The following RFX3 variants were observed in gnomAD, a reference collection of about 807,000 sequenced individuals.
RFX3 encodes regulatory factor X3.
RFX3 carries 14 observed loss-of-function variants against 98.6 expected under a neutral mutation model. The ratio of observed to expected loss-of-function variants is 0.14; its 90% CI spans 0.09 to 0.22. RFX3 has a LOEUF of 0.22. RFX3 is among the 10% of genes least tolerant of loss of function. The probability of loss-of-function intolerance (pLI) is 1.00; values close to 1 mark genes in which losing one functional copy is unlikely to be tolerated. For missense variants in RFX3, 639 were observed against 926.9 expected (o/e 0.69, Z 4.03); for synonymous variants, 383 against 328.4 (o/e 1.17, Z -1.80).
intron 3 of RFX3, among the ~76,000 whole-genome samples, chr9:3,335,945 A>C (rs1390839383): frequency 6.6e-6 from 1 of 152,166 alleles, no homozygotes; most frequent in Non-Finnish European, 1.5e-5. Flanking sequence ...AATTTATCTT[A>C]GCTATAACCA....
At position 3,275,585 on chromosome 9, in the gene RFX3, C is replaced by T; in HGVS notation, c.1001G>A (p.Gly334Glu). 1.2e-6 allele frequency: 2 copies of T among 1,612,026 alleles called. No homozygotes were observed. Among genetic ancestry groups the T allele is most frequent in the Non-Finnish European group, 1.7e-6 (2 of 1,178,464 alleles). Reference sequence around the variant, plus strand: ...TGGCAGAGAAGAGATTTCAACTTCTCCAAACTCTGGAAGTGCTCGAGATGC... The same window carrying T: ...TGGCAGAGAAGAGATTTCAACTTCTTCAAACTCTGGAAGTGCTCGAGATGC... ...LDASRALPEF[G>E]EVEISSLPDG... The change falls in exon 9 of 17, where the codon GGA (glycine) becomes GAA (glutamate). Residue 334 changes from glycine to glutamate, a missense_variant. Transcript: ENST00000617270.
intron 14 of RFX3, among the ~76,000 whole-genome samples, chr9:3,251,894 G>T (rs490964): frequency 0.069 from 10,449 of 151,888 alleles, 486 homozygotes; most frequent in Non-Finnish European, 0.1. Flanking sequence ...TGTTGCCCAG[G>T]CTGGAGTGCA....
chr9:3,481,316 T>C (rs1427357751), intron 1 of RFX3, among the ~76,000 whole-genome samples: 1 of 152,116 alleles, frequency 6.6e-6, no homozygotes, highest in Non-Finnish European at 1.5e-5. Context: ...GCCAAGGCTA[T>C]CTGGCTTTAA....
At chr9:3,520,694 G>C (rs1818622757) in intron 1 of RFX3, among the ~76,000 whole-genome samples, 1 of 152,100 alleles carries the variant, frequency 6.6e-6, no homozygotes, top group Non-Finnish European at 1.5e-5. Context: ...TTGGTGTTTT[G>C]AGACAGGGTC....
chr9:3,262,893 T>G, intron 13 of RFX3, 42 bp downstream of exon 13: 7 of 1,594,206 alleles, frequency 4.4e-6, no homozygotes, highest in East Asian at 2.2e-5. Flanking sequence ...ACAAATTGGG[T>G]ATCTTTCCTT....
chr9:3,421,451 A>G (rs1315285350), intron 1 of RFX3, among the ~76,000 whole-genome samples: 1 of 152,260 alleles, frequency 6.6e-6, no homozygotes, highest in Non-Finnish European at 1.5e-5. Flanking sequence ...ATCCAACTCC[A>G]TAGAAATAAC....
intron 4 of RFX3, among the ~76,000 whole-genome samples, chr9:3,309,901 G>A (rs540345383): frequency 6.6e-6 from 1 of 152,266 alleles, no homozygotes; most frequent in East Asian, 1.9e-4. Flanking sequence ...CTGAGATTTA[G>A]AGGAGACGGA....
intron 2 of RFX3, among the ~76,000 whole-genome samples, chr9:3,370,919 A>C (rs999523390): frequency 2.2e-4 from 33 of 152,220 alleles, no homozygotes; most frequent in African/African-American, 7.7e-4. Flanking sequence ...ATATGGCCAC[A>C]ATAGAATGAC....
At chr9:3,509,514 T>C (rs1817460562) in intron 1 of RFX3, among the ~76,000 whole-genome samples, 1 of 151,998 alleles carries the variant, frequency 6.6e-6, no homozygotes, top group African/African-American at 2.4e-5. Flanking sequence ...GAATTAAATA[T>C]ACAATATTTT....
At chr9:3,318,883 T>G (rs113139048) in intron 4 of RFX3, among the ~76,000 whole-genome samples, 67 of 152,274 alleles carry the variant, frequency 4.4e-4, no homozygotes, top group African/African-American at 1.5e-3. Flanking sequence ...GGATGCTGGG[T>G]TGAAATCAAG....
At chr9:3,254,542 T>C (rs1293596346) in intron 14 of RFX3, among the ~76,000 whole-genome samples, 1 of 142,144 alleles carries the variant, frequency 7.0e-6, no homozygotes, top group Non-Finnish European at 1.5e-5. Context: ...ATCTGAAATC[T>C]TTTTTTTTTT....
chr9:3,488,247 C>T (rs1190522426), intron 1 of RFX3, among the ~76,000 whole-genome samples: 1 of 152,114 alleles, frequency 6.6e-6, no homozygotes, highest in Non-Finnish European at 1.5e-5. Context: ...TTAAGATAAG[C>T]TCATTTCCTA....
intron 2 of RFX3, among the ~76,000 whole-genome samples, chr9:3,372,073 T>C (rs185731073): frequency 2.8e-4 from 43 of 152,346 alleles, no homozygotes; most frequent in African/African-American, 9.9e-4. Flanking sequence ...ACCTCTTCAG[T>C]GTACACCGGC....
intron 5 of RFX3, among the ~76,000 whole-genome samples, chr9:3,297,724 T>G (rs1035934468): frequency 6.6e-6 from 1 of 151,946 alleles, no homozygotes; most frequent in African/African-American, 2.4e-5. Flanking sequence ...CTAAATGTAT[T>G]TTGGTAGCTA....
chr9:3,395,550 T>C lies in RFX3; in HGVS notation c.39A>G (p.Thr13=), dbSNP rs1372193633. 6.2e-7 allele frequency: 1 copy of C among 1,614,026 alleles called. No homozygotes were observed. Among genetic ancestry groups the C allele is most frequent in the Non-Finnish European group, 8.5e-7 (1 of 1,179,992 alleles). Residue 13 remains threonine (T), a synonymous_variant, in exon 2 of 17, where the codon ACA becomes ACG. Transcript: ENST00000617270. ...TSETGSDTGS[T]VTLQTSVASQ... ...TAGCCACAGATGTTTGTAAGGTCACTGTCGAGCCTGTGTCCGACCCAGTCT... is the reference window on the plus strand; with the variant it reads ...TAGCCACAGATGTTTGTAAGGTCACCGTCGAGCCTGTGTCCGACCCAGTCT...
In RFX3 at chr9:3,293,256, G is replaced by A. The variant is rs1827603651; in HGVS notation, c.552C>T (p.Leu184=). The change falls in exon 6 of 17, where the codon CTC becomes CTT. Residue 184 remains leucine, a splice_region_variant and synonymous_variant. Transcript: ENST00000617270. ...TCTCATAATTGTCCAACAGCCACTG[G>A]AGCTAGGGAAATAAGACACAATAAA... ...THRSSLLNSH[L]QWLLDNYETA... 1.3e-6 allele frequency: 2 copies of A among 1,591,730 alleles called. No homozygotes were observed. The highest frequency in any genetic ancestry group is 1.7e-6 in the Non-Finnish European group (2 of 1,172,004).
chr9:3,405,279 G>A (rs1281940127), intron 1 of RFX3, among the ~76,000 whole-genome samples: 2 of 152,010 alleles, frequency 1.3e-5, no homozygotes, highest in South Asian at 4.1e-4. Context: ...ACAACACTCT[G>A]TTTTTAAAAC....
rs1343756501 is a variant in RFX3, at chr9:3,344,927, A to C, written c.215+1740T>G. The C allele has an allele frequency of 4.4e-6, 3 of 685,198 alleles. No homozygotes were observed. The African/African-American group carries it at 5.5e-5, about 13-fold the overall frequency. 42.4% of individuals were successfully genotyped at this position (685,198 alleles called of 1,614,324 possible). A position where few individuals can be genotyped will look rare whatever the true frequency, so the allele number is the denominator to read the frequency against. On this transcript the variant is annotated intron_variant, in intron 3 of 16. Transcript: ENST00000617270. ...TGAAAAACATTCACAGTGTGTCTAA[A>C]ATATGTAAAGAGGTATAGATTTAAT...
intron 1 of RFX3, among the ~76,000 whole-genome samples, chr9:3,490,570 A>G (rs551922539): frequency 1.3e-5 from 2 of 152,218 alleles, no homozygotes; most frequent in African/African-American, 4.8e-5. Context: ...TACATGAGAG[A>G]ATTTTTAGTT....
Sources: allele counts gnomAD v4.1 joint callset (sites outside exome capture counted in the v4.1 genomes callset), GRCh38; gene constraint gnomAD v4.1.1; transcripts MANE v1.5; gene names NCBI Gene and HGNC (gene_info 2026-07-23, HGNC 2026-07-21).